The following THSD7B variants were observed in gnomAD, a reference collection of about 807,000 sequenced individuals.
The protein encoded by THSD7B is thrombospondin type 1 domain containing 7B.
Under a neutral mutation model 213.6 loss-of-function variants are expected in THSD7B, and 138 were observed. That is an observed-to-expected ratio of 0.65 (90% CI 0.56 to 0.74). The LOEUF (loss-of-function observed/expected upper bound fraction) is 0.74. Ranked by LOEUF, THSD7B falls within the 30% of genes least tolerant of loss-of-function variation. The pLI is 0.00. For missense variants in THSD7B, 1,931 were observed against 1,991.5 expected (o/e 0.97, Z 0.58); for synonymous variants, 742 against 687.0 (o/e 1.08, Z -1.25).
At chr2:136,834,533 G>A in intron 1 of THSD7B, among the ~76,000 whole-genome samples, 1 of 151,846 alleles carries the variant, frequency 6.6e-6, no homozygotes, top group Middle Eastern at 3.2e-3. Flanking sequence ...GGTTGACTGT[G>A]ACCCTGTGAC....
chr2:136,981,790 A>G (rs1213505520), intron 2 of THSD7B, among the ~76,000 whole-genome samples: 1 of 151,976 alleles, frequency 6.6e-6, no homozygotes, highest in East Asian at 1.9e-4. Context: ...CACCACACCT[A>G]CGTTTAGCAC....
In THSD7B at chr2:136,851,865, A is replaced by G. The variant is rs143496190; in HGVS notation, c.-35-30279A>G. ...ATCCTGCCATTGTGGGAGGAATTTCAAAATCAGTGACAAAGGATCTAACCA... is the reference window on the plus strand; with the variant it reads ...ATCCTGCCATTGTGGGAGGAATTTCGAAATCAGTGACAAAGGATCTAACCA... On this transcript the variant is annotated intron_variant, in intron 1 of 27. Transcript: ENST00000409968. 3.2e-3 allele frequency among the ~76,000 whole-genome samples: 485 copies of G among 152,194 alleles called. 4 individuals are homozygous for G. Among genetic ancestry groups the G allele is most frequent in the African/African-American group, 0.011 (463 of 41,518 alleles).
chr2:137,164,572 C>T (rs568295305), intron 6 of THSD7B, among the ~76,000 whole-genome samples: 1 of 152,286 alleles, frequency 6.6e-6, no homozygotes, highest in African/African-American at 2.4e-5. Context: ...TATAAAGACC[C>T]ATGCACACAT....
At chr2:137,564,918 C>A (rs1326071250) in intron 16 of THSD7B, among the ~76,000 whole-genome samples, 1 of 152,140 alleles carries the variant, frequency 6.6e-6, no homozygotes, top group Non-Finnish European at 1.5e-5. Context: ...CCCTCAGTAG[C>A]TCAGAAGGTG....
intron 2 of THSD7B, among the ~76,000 whole-genome samples, chr2:137,003,617 A>G (rs1686043992): frequency 6.6e-6 from 1 of 152,190 alleles, no homozygotes; most frequent in Non-Finnish European, 1.5e-5. Flanking sequence ...CACTGGGAAG[A>G]TTCTGACTTC....
chr2:137,659,742 C>T lies in THSD7B; in HGVS notation c.4454C>T (p.Thr1485Ile), dbSNP rs1053992935. Reference sequence around the variant, plus strand: ...TGCAGAAAACCTTTCTCCTACTGTACACAGGTGAGTCATGTGCTGGAGTCT... The same window carrying T: ...TGCAGAAAACCTTTCTCCTACTGTATACAGGTGAGTCATGTGCTGGAGTCT... ...PACRKPFSYC[T>I]QGGVCGCEKG... The change falls in exon 25 of 28, where the codon ACA (threonine) becomes ATA (isoleucine). Residue 1485 changes from threonine to isoleucine, a missense_variant. Physicochemically the swap from Thr to Ile is moderately conservative, Grantham distance 89 (BLOSUM62 -1). Coordinates refer to ENST00000409968, the MANE Select transcript of THSD7B (RefSeq NM_001316349.2). 3.1e-6 allele frequency: 5 copies of T among 1,600,866 alleles called. No homozygotes were observed. The African/African-American group carries it at 6.7e-5, about 21-fold the overall frequency.
chr2:137,528,008 CT>C (rs1162527755), intron 15 of THSD7B, among the ~76,000 whole-genome samples: 7 of 152,092 alleles, frequency 4.6e-5, no homozygotes, highest in African/African-American at 1.7e-4. Context: ...TCCCCCTTTG[CT>C]TCAATCAGCT....
At chr2:137,175,053 A>C (rs1344415481) in intron 7 of THSD7B, among the ~76,000 whole-genome samples, 1 of 152,236 alleles carries the variant, frequency 6.6e-6, no homozygotes, top group South Asian at 2.1e-4. Flanking sequence ...TGACATCTTC[A>C]AAAGCAAGTT....
chr2:137,269,541 A>G (rs1682685869), intron 10 of THSD7B, among the ~76,000 whole-genome samples: 1 of 151,858 alleles, frequency 6.6e-6, no homozygotes, highest in South Asian at 2.1e-4. Flanking sequence ...TTATTTACAG[A>G]CTCCTAAGGT....
chr2:136,855,397 T>C lies in THSD7B; in HGVS notation c.-35-26747T>C, dbSNP rs141998656. ...TTAACATGACTTTAGAGGACGTCTATGACCTGGCACCTGCCTGTTTCCCTT... is the reference window on the plus strand; with the variant it reads ...TTAACATGACTTTAGAGGACGTCTACGACCTGGCACCTGCCTGTTTCCCTT... On this transcript the variant is annotated intron_variant, in intron 1 of 27. Coordinates refer to ENST00000409968, the MANE Select transcript of THSD7B (RefSeq NM_001316349.2). Among the ~76,000 whole-genome samples, 25 of 152,080 alleles carry C rather than the reference T, an allele frequency of 1.6e-4. No individual in the cohort carries two copies. In the East Asian group the frequency reaches 4.5e-3, roughly 27 times the overall value.
chr2:137,167,629 C>G (rs887503128), intron 6 of THSD7B, among the ~76,000 whole-genome samples: 2 of 152,152 alleles, frequency 1.3e-5, no homozygotes, highest in Non-Finnish European at 2.9e-5. Context: ...GCTCGTCTTC[C>G]CTTTTCTCTC....
At chr2:137,280,748 A>G (rs1328084169) in intron 12 of THSD7B, among the ~76,000 whole-genome samples, 4 of 152,132 alleles carry the variant, frequency 2.6e-5, no homozygotes, top group Non-Finnish European at 5.9e-5. Context: ...AAAGTATAAG[A>G]GGAAGAAACT....
At chr2:137,567,749 A>G (rs1364990159) in intron 16 of THSD7B, among the ~76,000 whole-genome samples, 1 of 152,206 alleles carries the variant, frequency 6.6e-6, no homozygotes, top group Non-Finnish European at 1.5e-5. Flanking sequence ...GAGGAACATT[A>G]GAAGCAGGTT....
intron 12 of THSD7B, among the ~76,000 whole-genome samples, chr2:137,311,331 C>T (rs945667028): frequency 2.0e-5 from 3 of 151,766 alleles, no homozygotes; most frequent in Non-Finnish European, 1.5e-5. Context: ...TATAAGAATG[C>T]TTGTGATTTT....
intron 3 of THSD7B, among the ~76,000 whole-genome samples, chr2:137,088,748 T>C (rs997113403): frequency 6.6e-6 from 1 of 151,770 alleles, no homozygotes; most frequent in African/African-American, 2.4e-5. Context: ...AGTACTAATA[T>C]CCAGATTCTA....
chr2:137,129,832 T>C (rs1277076820), intron 5 of THSD7B, among the ~76,000 whole-genome samples: 1 of 152,188 alleles, frequency 6.6e-6, no homozygotes, highest in Admixed American at 6.5e-5. Flanking sequence ...ACCATTTGCA[T>C]TGTTGGGTGG....
chr2:137,465,605 AG>A (rs1687976853), intron 15 of THSD7B, among the ~76,000 whole-genome samples: 1 of 152,158 alleles, frequency 6.6e-6, no homozygotes, highest in Non-Finnish European at 1.5e-5. Flanking sequence ...TGACTAGAAC[AG>A]GGGTCCTGAC....
chr2:137,552,793 C>T (rs1197134572), intron 15 of THSD7B, among the ~76,000 whole-genome samples: 1 of 152,128 alleles, frequency 6.6e-6, no homozygotes, highest in Non-Finnish European at 1.5e-5. Context: ...TGGAGGAAAG[C>T]ATAACTTAGT....
At chr2:136,979,374 C>A (rs1202458656) in intron 2 of THSD7B, among the ~76,000 whole-genome samples, 1 of 152,126 alleles carries the variant, frequency 6.6e-6, no homozygotes, top group Non-Finnish European at 1.5e-5. Flanking sequence ...TGGATGATAT[C>A]CTGAAGTATA....
Sources: gnomAD v4.1 joint callset for allele counts (sites outside exome capture counted in the v4.1 genomes callset) on GRCh38, gnomAD v4.1.1 for gene constraint, MANE v1.5 for transcripts, NCBI Gene and HGNC (gene_info 2026-07-23, HGNC 2026-07-21) for gene names.